The following AGL variants were observed in gnomAD, a reference collection of about 807,000 sequenced individuals.
AGL encodes the protein glycogen debranching enzyme.
Under a neutral mutation model 199.3 loss-of-function variants are expected in AGL, and 128 were observed. That is an observed-to-expected ratio of 0.64 (90% CI 0.56 to 0.74). AGL has a LOEUF of 0.74. AGL is among the 30% of genes least tolerant of loss of function. AGL has a pLI of 0.00. For missense variants in AGL, 1,809 were observed against 1,820.8 expected, an observed-to-expected ratio of 0.99 and a Z score of 0.12; for synonymous variants, 584 against 594.7, an observed-to-expected ratio of 0.98 and a Z score of 0.26.
intron 2 of AGL, among the ~76,000 whole-genome samples, chr1:99,859,502 T>C (rs1376799406): frequency 6.6e-6 from 1 of 152,196 alleles, no homozygotes; most frequent in Non-Finnish European, 1.5e-5. Flanking sequence ...TTTTAAAAGC[T>C]CTACATAAAT....
rs748774221 is a variant in AGL, at chr1:99,870,608, C to G, written c.846+27C>G. On this transcript the variant is annotated intron_variant, in intron 6 of 33. Transcript: ENST00000361915. ...TCAGTATGTACAGAGGAGTATCACA[C>G]TAAAACAGAAAAAATTTCTAAAGCA... 10 of 1,612,226 alleles carry G rather than the reference C, an allele frequency of 6.2e-6. No homozygotes were observed. In the South Asian group the frequency reaches 1.1e-4, roughly 18 times the overall value.
chr1:99,872,235 T>C (rs1651077829), intron 7 of AGL, among the ~76,000 whole-genome samples: 1 of 152,184 alleles, frequency 6.6e-6, no homozygotes, highest in Non-Finnish European at 1.5e-5. Flanking sequence ...GTGCTAGACA[T>C]GAGGATTCAG....
At chr1:99,909,083 C>G (rs945312005) in intron 27 of AGL, among the ~76,000 whole-genome samples, 5 of 152,082 alleles carry the variant, frequency 3.3e-5, no homozygotes, top group Admixed American at 6.5e-5. Flanking sequence ...GTGAGGGGCA[C>G]CCCATCACTG....
Position 99,884,692 on chromosome 1 carries a change from T to G in AGL, c.2670T>G (p.Ile890Met), listed in dbSNP as rs188568866. 1 of 1,613,968 alleles carries G rather than the reference T, an allele frequency of 6.2e-7. No homozygotes were observed. The highest frequency in any genetic ancestry group is 2.2e-5 in the East Asian group (1 of 44,852). The change falls in exon 20 of 34, where the codon ATT becomes ATG. Residue 890 changes from isoleucine to methionine, a missense_variant. Transcript: ENST00000361915. ...AVDNADPILK[I>M]PFASLASRLT... ...ACAATGCAGATCCTATATTAAAAAT[T>G]CCTTTTGCTTCGTAAGTATGCCTTG... is the stretch of plus-strand genomic sequence containing the variant.
At chr1:99,854,054 C>T (rs987169528) in intron 2 of AGL, among the ~76,000 whole-genome samples, 2 of 151,578 alleles carry the variant, frequency 1.3e-5, no homozygotes, top group Non-Finnish European at 2.9e-5. Context: ...ATTAGCCAGG[C>T]GTGGTGGCGC....
intron 10 of AGL, 105 bp from the exon 11 acceptor site, chr1:99,876,348 CTTATT>C (rs1381444870): frequency 2.2e-5 from 19 of 871,626 alleles, no homozygotes; most frequent in South Asian, 7.3e-5. Context: ...TAGCATCAAA[CTTATT>C]TTATTCTATT....
intron 4 of AGL, among the ~76,000 whole-genome samples, chr1:99,862,811 C>G (rs1001057472): frequency 2.2e-4 from 33 of 152,256 alleles, no homozygotes; most frequent in Middle Eastern, 3.4e-3. Context: ...TCACCAGGCC[C>G]CTCCTCCAAC....
At chr1:99,854,443 G>C (rs992592953) in intron 2 of AGL, among the ~76,000 whole-genome samples, 1 of 152,122 alleles carries the variant, frequency 6.6e-6, no homozygotes, top group African/African-American at 2.4e-5. Flanking sequence ...TTTTTTTGCA[G>C]TAATGGTGTG....
Position 99,880,717 on chromosome 1 carries a change from C to T in AGL, c.1821C>T (p.Pro607=). Residue 607 remains proline (P), a synonymous_variant, in exon 14 of 34, where the codon CCC becomes CCT. Transcript: ENST00000361915. ...GGEPVGSFVQ[P]CLRPLMPAIA... ...AACCTGTTGGATCCTTTGTTCAGCC[C>T]TGTTTGAGGCCTTTAATGCCAGCTA... The T allele has an allele frequency of 6.2e-7, 1 of 1,613,966 alleles. No homozygotes were observed. The highest frequency in any genetic ancestry group is 1.7e-5 in the Admixed American group (1 of 59,982).
At chr1:99,880,097 T>C (rs1651890089) in intron 13 of AGL, 51 bp downstream of exon 13, 1 of 1,610,456 alleles carries the variant, frequency 6.2e-7, no homozygotes, top group South Asian at 1.1e-5. Flanking sequence ...TTTGTTTAAG[T>C]AGATTAAAGG....
rs1276690108 is a variant in AGL at position 99,881,068 on chromosome 1, TC to T, written c.1900-7del. On this transcript the variant is annotated splice_polypyrimidine_tract_variant and splice_region_variant and intron_variant, in intron 14 of 33. Transcript: ENST00000361915. ...GCAAACTTTTGCTTTGTTGTTGTTG[TC>T]TTCTAGCATAGATCAGCGTATGATG... 1.2e-6 allele frequency: 2 copies of T among 1,611,144 alleles called. No homozygotes were observed. Among genetic ancestry groups the T allele is most frequent in the Non-Finnish European group, 1.7e-6 (2 of 1,177,404 alleles).
intron 17 of AGL, among the ~76,000 whole-genome samples, chr1:99,883,739 G>T (rs1418984166): frequency 6.6e-6 from 1 of 152,086 alleles, no homozygotes; most frequent in Non-Finnish European, 1.5e-5. Context: ...AGGCTTTATT[G>T]TATTTGTAAA....
upstream of AGL, chr1:99,850,065 G>A (rs901101809): frequency 6.6e-6 from 1 of 152,368 alleles, no homozygotes; most frequent in Non-Finnish European, 1.5e-5. Flanking sequence ...CTAGCGGTCG[G>A]GGCGGGCGGG....
intron 4 of AGL, among the ~76,000 whole-genome samples, chr1:99,862,627 AACTT>A (rs1332452507): frequency 6.6e-6 from 1 of 152,190 alleles, no homozygotes; most frequent in East Asian, 1.9e-4. Flanking sequence ...GGCCTCAAGA[AACTT>A]ACAGTCATGG....
Position 99,881,602 on chromosome 1 carries a change from A to C in AGL, c.2219A>C (p.His740Pro), listed in dbSNP as rs562215810. Residue 740 changes from histidine to proline, a missense_variant, in exon 17 of 34, where the codon CAT becomes CCT. Physicochemically the swap from His to Pro is moderately conservative, Grantham distance 77. Transcript: ENST00000361915. ...VAVTRHSPSI[H>P]QSVVAVSRTA... is the part of the protein sequence containing the mutation. ...GTAACAAGACACTCACCTAGCATCC[A>C]TCAGTCTGTTGTGGCTGTATCTAGA... is the stretch of plus-strand genomic sequence containing the variant. 5 of 1,613,972 alleles carry C rather than the reference A, an allele frequency of 3.1e-6. No homozygotes were observed. The highest frequency in any genetic ancestry group is 3.3e-5 in the Admixed American group (2 of 59,982).
chr1:99,852,621 C>A (rs1415652727), intron 2 of AGL: 1 of 748,534 alleles, frequency 1.3e-6, no homozygotes, highest in African/African-American at 1.7e-5. Context: ...AGCAACCCTC[C>A]CTCTTTGGCC....
chr1:99,900,823 C>G lies in AGL; in HGVS notation c.3550C>G (p.Pro1184Ala). 6.2e-7 allele frequency: 1 copy of G among 1,613,272 alleles called. No individual in the cohort carries two copies. The highest frequency in any genetic ancestry group is 8.5e-7 in the Non-Finnish European group (1 of 1,179,564). ...CAAGTGCCCAGTTTCCAGAATGTAT[C>G]CTACAGATGATTCTGCTCCTTTGCC... ...ILKCPVSRMYPTDDSAPLPAG... is the reference protein window; with the variant it reads ...ILKCPVSRMYATDDSAPLPAG... Residue 1184 changes from proline (P) to alanine (A), a missense_variant, in exon 26 of 34, where the codon CCT (proline) becomes GCT (alanine). Physicochemically the swap from Pro to Ala is conservative, Grantham distance 27. Transcript: ENST00000361915.
chr1:99,901,379 CT>C (rs1422176001), intron 26 of AGL, among the ~76,000 whole-genome samples: 1 of 64,266 alleles, frequency 1.6e-5, no homozygotes, highest in African/African-American at 5.7e-5. Context: ...AACTCAGTCT[CT>C]TTAAAAAAAA....
intron 27 of AGL, among the ~76,000 whole-genome samples, chr1:99,904,576 T>A (rs781183748): frequency 1.3e-5 from 2 of 152,150 alleles, no homozygotes; most frequent in Non-Finnish European, 1.5e-5. Context: ...TCCATCACCA[T>A]AAAGATCTTT....
Sources: allele counts gnomAD v4.1 joint callset (sites outside exome capture counted in the v4.1 genomes callset), GRCh38; gene constraint gnomAD v4.1.1; transcripts MANE v1.5; gene names NCBI Gene and HGNC (gene_info 2026-07-23, HGNC 2026-07-21).